Variants in DRC8 observed in about 807,000 individuals in gnomAD.
DRC8 encodes the protein dynein regulatory complex subunit 8.
the DRC8 span, among the ~76,000 whole-genome samples, chr1:245,067,111 G>A: frequency 6.6e-6 from 1 of 152,026 alleles, no homozygotes. Flanking sequence ...ATGAATGACT[G>A]CAATGGCATT....
At chr1:245,038,196 C>T in the DRC8 span, among the ~76,000 whole-genome samples, 341 of 152,260 alleles carry the variant, frequency 2.2e-3, 1 homozygote, top group African/African-American at 7.5e-3. Context: ...GGTGGCCCAG[C>T]GTGGTGGCTC....
chr1:245,006,993 G>A, the DRC8 span, among the ~76,000 whole-genome samples: 68 of 152,136 alleles, frequency 4.5e-4, no homozygotes, highest in African/African-American at 1.6e-3. Context: ...AGGTTGAAAG[G>A]TGTTGATGAT....
the DRC8 span, among the ~76,000 whole-genome samples, chr1:245,084,042 A>G: frequency 6.7e-6 from 1 of 149,768 alleles, no homozygotes; most frequent in Non-Finnish European, 1.5e-5. Flanking sequence ...GAAGATTTGA[A>G]TAAAGAATAT....
At chr1:245,118,793 A>AAAAAAAGAAAAGAAAAG in the DRC8 span, among the ~76,000 whole-genome samples, 1 of 140,108 alleles carries the variant, frequency 7.1e-6, no homozygotes, top group African/African-American at 2.8e-5. Flanking sequence ...ACGCCATCTC[A>AAAAAAAGAAAAGAAAAG]AAAAAAGAAA....
At chr1:245,071,698 A>G in the DRC8 span, among the ~76,000 whole-genome samples, 385 of 152,322 alleles carry the variant, frequency 2.5e-3, 1 homozygote, top group African/African-American at 8.8e-3. Flanking sequence ...AAAATATACA[A>G]GCTCATTGAT....
chr1:245,022,023 A>G, the DRC8 span, among the ~76,000 whole-genome samples: 143 of 152,164 alleles, frequency 9.4e-4, no homozygotes, highest in African/African-American at 3.3e-3. Context: ...GATCTGAAGC[A>G]TTTTATTTTC....
At chr1:245,076,893 A>AT in the DRC8 span, among the ~76,000 whole-genome samples, 5 of 151,888 alleles carry the variant, frequency 3.3e-5, no homozygotes, top group Admixed American at 6.6e-5. Flanking sequence ...TGTCCAGCTA[A>AT]TTTTTGTATT....
At chr1:245,050,465 A>C in the DRC8 span, among the ~76,000 whole-genome samples, 10 of 152,132 alleles carry the variant, frequency 6.6e-5, no homozygotes, top group East Asian at 1.4e-3. Flanking sequence ...ATATTTCCCT[A>C]GTGCTGAGGG....
the DRC8 span, among the ~76,000 whole-genome samples, chr1:245,084,717 A>G: frequency 1.3e-5 from 2 of 152,154 alleles, no homozygotes; most frequent in Non-Finnish European, 2.9e-5. Flanking sequence ...GTCCTGAATG[A>G]CTCAGAGTTG....
chr1:245,025,883 T>A, the DRC8 span, among the ~76,000 whole-genome samples: 4 of 152,214 alleles, frequency 2.6e-5, no homozygotes, highest in Non-Finnish European at 4.4e-5. Flanking sequence ...ATGTAAGATG[T>A]GCCTCTGCTC....
At chr1:245,074,784 A>G in the DRC8 span, among the ~76,000 whole-genome samples, 1 of 152,224 alleles carries the variant, frequency 6.6e-6, no homozygotes, top group African/African-American at 2.4e-5. Context: ...GTAGATGCCA[A>G]TTAATTATTG....
chr1:244,984,959 C>T, the DRC8 span, among the ~76,000 whole-genome samples: 2 of 151,524 alleles, frequency 1.3e-5, no homozygotes, highest in African/African-American at 4.8e-5. Flanking sequence ...ATTTATTATG[C>T]TGTAAATCTG....
the DRC8 span, among the ~76,000 whole-genome samples, chr1:245,080,073 A>G: frequency 2.0e-5 from 3 of 152,210 alleles, no homozygotes; most frequent in African/African-American, 4.8e-5. Flanking sequence ...TGAATCTAGT[A>G]TAAACATTAA....
At chr1:245,106,870 C>G in the DRC8 span, among the ~76,000 whole-genome samples, 3 of 152,112 alleles carry the variant, frequency 2.0e-5, no homozygotes, top group African/African-American at 7.2e-5. Flanking sequence ...ATGGCAAAAC[C>G]CCGTCTCTAC....
chr1:244,985,679 T>C, the DRC8 span, among the ~76,000 whole-genome samples: 48 of 151,888 alleles, frequency 3.2e-4, no homozygotes, highest in Admixed American at 8.5e-4. Context: ...GCCTGGCTAA[T>C]GTGGTGAAAC....
At chr1:245,090,140 G>T in the DRC8 span, among the ~76,000 whole-genome samples, 1,002 of 152,282 alleles carry the variant, frequency 6.6e-3, 15 homozygotes, top group African/African-American at 0.023. Context: ...GGAATCAAAG[G>T]CCGAGGAATC....
At chr1:245,071,091 A>G in the DRC8 span, among the ~76,000 whole-genome samples, 296 of 152,326 alleles carry the variant, frequency 1.9e-3, 7 homozygotes, top group Middle Eastern at 0.017. Context: ...TATGCTGTTT[A>G]TACATTACCC....
chr1:245,068,968 AC>A, the DRC8 span, among the ~76,000 whole-genome samples: 1 of 152,208 alleles, frequency 6.6e-6, no homozygotes, highest in African/African-American at 2.4e-5. Context: ...ACTCACTATT[AC>A]ATCAAAATGA....
the DRC8 span, among the ~76,000 whole-genome samples, chr1:245,034,121 C>A: frequency 6.6e-6 from 1 of 152,188 alleles, no homozygotes; most frequent in Non-Finnish European, 1.5e-5. Context: ...AGAGTTTCAT[C>A]TCCATCCTTC....
Sources: allele counts gnomAD v4.1 joint callset (sites outside exome capture counted in the v4.1 genomes callset), GRCh38; gene constraint gnomAD v4.1.1; transcripts MANE v1.5; gene names NCBI Gene and HGNC (gene_info 2026-07-23, HGNC 2026-07-21).